The following SH2B2 variants were observed in gnomAD, a reference collection of about 807,000 sequenced individuals.
SH2B2 encodes the protein SH2B adapter protein 2.
A neutral mutation model predicts 35.7 loss-of-function variants in SH2B2; 37 were observed. The observed-to-expected ratio is 1.04, with a 90% CI of 0.80 to 1.36. The LOEUF is 1.36. Ranked by LOEUF, SH2B2 falls within the 40% of genes most tolerant of loss-of-function variation. SH2B2 has a pLI of 0.00. For missense variants in SH2B2, 852 were observed against 817.7 expected (o/e 1.04, Z -0.51); for synonymous variants, 383 against 376.4 (o/e 1.02, Z -0.20).
chr7:102,299,197 C>CTTTTTTTTTT lies in SH2B2; in HGVS notation c.-29-1315_-29-1306dup, dbSNP rs71123035. 4.5e-4 allele frequency among the ~76,000 whole-genome samples: 11 copies of CTTTTTTTTTT among 24,632 alleles called. 2 individuals are homozygous for CTTTTTTTTTT. The highest frequency in any genetic ancestry group is 9.8e-4 in the African/African-American group (5 of 5,120). The allele number at this position is 24,632 out of a possible 152,430, so 16.2% of individuals were successfully genotyped here. A position where few individuals can be genotyped will look rare whatever the true frequency, so the allele number is the denominator to read the frequency against. The stretch of plus-strand genomic sequence containing the variant: ...TACAGGCATGAGCCACCGCGCCTGG[C>CTTTTTTTTTT]TTTTTTTTTTTTTTTTTTTGAGGTG... On this transcript the variant is annotated intron_variant, in intron 1 of 8. Transcript: ENST00000444095.
rs73402324 is a variant in SH2B2 at position 102,291,476 on chromosome 7, A to T, written c.-30+4382A>T. 4.1e-3 allele frequency among the ~76,000 whole-genome samples: 620 copies of T among 152,276 alleles called. 4 individuals are homozygous for T. Among genetic ancestry groups the T allele is most frequent in the African/African-American group, 0.014 (585 of 41,550 alleles). ...CACTAGTACCTAATCACCCATACAG[A>T]GGCATACAAGTCCCAAGGGCTCTGA... On this transcript the variant is annotated intron_variant, in intron 1 of 8. Transcript: ENST00000444095.
intron 1 of SH2B2, among the ~76,000 whole-genome samples, chr7:102,296,518 G>A (rs1269522625): frequency 6.6e-6 from 1 of 152,208 alleles, no homozygotes; most frequent in Non-Finnish European, 1.5e-5. Context: ...GGCTTGGATG[G>A]GGGCTGTAAG....
Position 102,300,954 on chromosome 7 carries a change from T to C in SH2B2, c.404T>C (p.Phe135Ser). ...ACCAAGGCCCGCGTTCGCAAGGGCT[T>C]CTCGCTGCGCAACATGAGCCTGTGC... Reference protein sequence around the residue: ...AATKARVRKGFSLRNMSLCVV... With the variant: ...AATKARVRKGSSLRNMSLCVV... The change falls in exon 2 of 9, where the codon TTC (phenylalanine) becomes TCC (serine). Residue 135 changes from phenylalanine (F) to serine (S), a missense_variant. Physicochemically the swap from Phe to Ser is radical, Grantham distance 155 (BLOSUM62 -2). Transcript: ENST00000444095. The C allele has an allele frequency of 6.7e-7, 1 of 1,489,166 alleles. No individual in the cohort carries two copies. Among genetic ancestry groups the C allele is most frequent in the Non-Finnish European group, 8.9e-7 (1 of 1,122,798 alleles). The allele number at this position is 1,489,166 out of a possible 1,614,324, so 92.2% of individuals were successfully genotyped here. A position where few individuals can be genotyped will look rare whatever the true frequency, so the allele number is the denominator to read the frequency against.
intron 1 of SH2B2, among the ~76,000 whole-genome samples, chr7:102,289,241 G>T (rs1335418802): frequency 6.6e-6 from 1 of 152,150 alleles, no homozygotes; most frequent in Non-Finnish European, 1.5e-5. Flanking sequence ...CCATCTGAGG[G>T]TAGCGCCCAC....
At chr7:102,316,694 T>C (rs1793842027) in intron 6 of SH2B2, among the ~76,000 whole-genome samples, 3 of 152,012 alleles carry the variant, frequency 2.0e-5, no homozygotes, top group African/African-American at 7.2e-5. Flanking sequence ...GAGACCAGCC[T>C]GGGGAACACA....
intron 7 of SH2B2, among the ~76,000 whole-genome samples, chr7:102,318,133 C>CTTTGTT (rs1181179120): frequency 1.3e-5 from 2 of 151,864 alleles, no homozygotes; most frequent in Non-Finnish European, 2.9e-5. Context: ...ACCTGAAATG[C>CTTTGTT]TTTGTTTTTG....
chr7:102,320,436 C>T lies in SH2B2; in HGVS notation c.1501C>T (p.Leu501=). 6.2e-7 allele frequency: 1 copy of T among 1,613,846 alleles called. No individual in the cohort carries two copies. Among genetic ancestry groups the T allele is most frequent in the Non-Finnish European group, 8.5e-7 (1 of 1,179,882 alleles). The change falls in exon 8 of 9, where the codon CTG becomes TTG. Residue 501 remains leucine, a synonymous_variant. Coordinates refer to ENST00000444095, the MANE Select transcript of SH2B2 (RefSeq NM_001359228.2). ...CCACTTCCACACACACCCCATCCCA[C>T]TGGAGTCAGGGGGCTCGGCCGACAT... ...LRHFHTHPIP[L]ESGGSADITL... is the part of the protein sequence containing the mutation.
chr7:102,293,671 G>A (rs1224737595), intron 1 of SH2B2, among the ~76,000 whole-genome samples: 1 of 151,998 alleles, frequency 6.6e-6, no homozygotes, highest in Non-Finnish European at 1.5e-5. Flanking sequence ...CTGTGAGGGG[G>A]AGAGGCAACC....
chr7:102,313,000 A>ATGCC (rs1381698835), intron 4 of SH2B2, among the ~76,000 whole-genome samples: 2 of 151,848 alleles, frequency 1.3e-5, no homozygotes, highest in East Asian at 3.9e-4. Flanking sequence ...GTGGTGGTAC[A>ATGCC]TGCCTGTAAT....
At chr7:102,306,640 C>CTTT in intron 2 of SH2B2, 81 bp from the exon 3 acceptor site, 1 of 1,038,890 alleles carries the variant, frequency 9.6e-7, no homozygotes, top group Non-Finnish European at 1.5e-6. Context: ...GAGGGCCACT[C>CTTT]TAACACCTGG....
intron 4 of SH2B2, among the ~76,000 whole-genome samples, chr7:102,311,365 C>G (rs1793612240): frequency 1.3e-5 from 2 of 152,042 alleles, no homozygotes; most frequent in Non-Finnish European, 2.9e-5. Context: ...AGCAATTCTC[C>G]TGCCTCAGCC....
Position 102,314,639 on chromosome 7 carries a change from C to A in SH2B2, c.1143C>A (p.Thr381=). 1 of 398,630 alleles carries A rather than the reference C, an allele frequency of 2.5e-6. No homozygotes were observed. The highest frequency in any genetic ancestry group is 3.6e-5 in the East Asian group (1 of 28,084). The allele number at this position is 398,630 out of a possible 1,614,324, so 24.7% of individuals were successfully genotyped here. A position where few individuals can be genotyped will look rare whatever the true frequency, so the allele number is the denominator to read the frequency against. The change falls in exon 6 of 9, where the codon ACC becomes ACA. Residue 381 remains threonine, a synonymous_variant. Coordinates refer to ENST00000444095, the MANE Select transcript of SH2B2 (RefSeq NM_001359228.2). ...TCCCGCTAGAGACCTTTCTGCAGAC[C>A]CTGGAATCCCCGGGCGGCAGCGGCA... The part of the protein sequence containing the change: ...IHVPLETFLQ[T]LESPGGSGSD...
Position 102,300,980 on chromosome 7 carries a change from G to C in SH2B2, c.430G>C (p.Val144Leu). 1 of 1,461,438 alleles carries C rather than the reference G, an allele frequency of 6.8e-7. No individual in the cohort carries two copies. The highest frequency in any genetic ancestry group is 1.5e-5 in the African/African-American group (1 of 67,448). The allele number at this position is 1,461,438 out of a possible 1,614,324, so 90.5% of individuals were successfully genotyped here. Reference sequence around the variant, plus strand: ...CTCGCTGCGCAACATGAGCCTGTGCGTGGTGGACGGCGTGCGCGACATGTG... The same window carrying C: ...CTCGCTGCGCAACATGAGCCTGTGCCTGGTGGACGGCGTGCGCGACATGTG... ...GFSLRNMSLC[V>L]VDGVRDMWHR... Residue 144 changes from valine to leucine, a missense_variant, in exon 2 of 9, where the codon GTG (valine) becomes CTG (leucine). Around this residue, in one of 3 missense-constraint regions of SH2B2, gnomAD observed 294 missense variants for 286.6 expected, o/e 1.03. Transcript: ENST00000444095.
intron 6 of SH2B2, 143 bp downstream of exon 6, chr7:102,314,825 G>A (rs1001540613): frequency 5.8e-5 from 23 of 397,270 alleles, no homozygotes; most frequent in Admixed American, 5.7e-4. Flanking sequence ...ACACGTCTCC[G>A]AAGTACTTCT....
chr7:102,290,526 A>G (rs978674765), intron 1 of SH2B2, among the ~76,000 whole-genome samples: 15 of 152,136 alleles, frequency 9.9e-5, no homozygotes, highest in African/African-American at 3.4e-4. Context: ...CGGCCTCCCA[A>G]AGTGCTGGGA....
At chr7:102,311,631 G>A (rs1793624916) in intron 4 of SH2B2, among the ~76,000 whole-genome samples, 1 of 146,452 alleles carries the variant, frequency 6.8e-6, no homozygotes, top group Non-Finnish European at 1.5e-5. Context: ...GAATTCCTGG[G>A]TTCAAGAGAC....
At chr7:102,301,738 A>G (rs781900917) in intron 2 of SH2B2, among the ~76,000 whole-genome samples, 11 of 151,536 alleles carry the variant, frequency 7.3e-5, no homozygotes, top group Non-Finnish European at 1.3e-4. Flanking sequence ...ATGCCCGGCT[A>G]ATTTTTGTAT....
At chr7:102,304,332 G>C (rs1554554469) in intron 2 of SH2B2, among the ~76,000 whole-genome samples, 2 of 152,168 alleles carry the variant, frequency 1.3e-5, no homozygotes, top group African/African-American at 4.8e-5. Context: ...CCTGCAGGAA[G>C]AGCCTCCTGA....
intron 7 of SH2B2, among the ~76,000 whole-genome samples, chr7:102,318,869 C>T (rs1172766304): frequency 6.6e-6 from 1 of 152,212 alleles, no homozygotes; most frequent in Non-Finnish European, 1.5e-5. Flanking sequence ...ATTTACTTCT[C>T]AGCCAGTGCT....
Sources: allele counts gnomAD v4.1 joint callset (sites outside exome capture counted in the v4.1 genomes callset), GRCh38; gene constraint gnomAD v4.1.1; regional missense constraint gnomAD v4.1.1; transcripts MANE v1.5; gene names NCBI Gene and HGNC (gene_info 2026-07-23, HGNC 2026-07-21).